Variants in GRM5 observed in about 807,000 individuals in gnomAD.
The protein encoded by GRM5 is glutamate metabotropic receptor 5, also known as metabotropic glutamate receptor 5.
In GRM5, 19 loss-of-function variants were observed where a neutral mutation model predicts 83.1. The observed-to-expected ratio is 0.23, with a 90% CI of 0.16 to 0.34. The LOEUF (loss-of-function observed/expected upper bound fraction) is 0.34, where lower values mean the gene tolerates loss of function less well. Among genes scored for constraint, GRM5 ranks in the 10% least tolerant of loss-of-function variants. The pLI is 1.00. For missense variants in GRM5, 1,160 were observed against 1,588.3 expected, an observed-to-expected ratio of 0.73 and a Z score of 4.58; for synonymous variants, 675 against 633.6, an observed-to-expected ratio of 1.07 and a Z score of -0.98.
intron 3 of GRM5, among the ~76,000 whole-genome samples, chr11:88,750,985 C>T (rs1942256051): frequency 1.4e-5 from 2 of 143,282 alleles, no homozygotes; most frequent in Non-Finnish European, 3.0e-5. Flanking sequence ...AGAAACTTCA[C>T]ATCTCAACTA....
chr11:88,813,133 C>T (rs16914962), intron 3 of GRM5, among the ~76,000 whole-genome samples: 29,408 of 152,064 alleles, frequency 0.19, 5,111 homozygotes, highest in African/African-American at 0.45. Context: ...CTAATGTCCT[C>T]CAAAATTTAG....
intron 2 of GRM5, among the ~76,000 whole-genome samples, chr11:88,962,339 C>T (rs975670044): frequency 3.3e-5 from 5 of 152,304 alleles, no homozygotes; most frequent in African/African-American, 1.2e-4. Flanking sequence ...AGCCATTCTT[C>T]AATTCTTCCA....
chr11:88,875,082 G>GGT (rs1555032475), intron 2 of GRM5, among the ~76,000 whole-genome samples: 9 of 147,928 alleles, frequency 6.1e-5, no homozygotes, highest in African/African-American at 2.0e-4. Context: ...TGAATTGACT[G>GGT]TTTTTTTTTT....
At chr11:88,908,215 T>C (rs16915095) in intron 2 of GRM5, among the ~76,000 whole-genome samples, 4,449 of 152,224 alleles carry the variant, frequency 0.029, 213 homozygotes, top group African/African-American at 0.1. Context: ...ACTTTGTCCA[T>C]CTTGCAAACC....
intron 7 of GRM5, among the ~76,000 whole-genome samples, chr11:88,570,571 A>T (rs199617642): frequency 0.035 from 1,616 of 46,498 alleles, 94 homozygotes; most frequent in Non-Finnish European, 0.039. Context: ...ATATATATAT[A>T]TTTTTTTTTT....
At chr11:88,596,120 C>A (rs987449936) in intron 6 of GRM5, among the ~76,000 whole-genome samples, 2 of 152,136 alleles carry the variant, frequency 1.3e-5, no homozygotes, top group Non-Finnish European at 2.9e-5. Flanking sequence ...CCTGGAAATG[C>A]AACCTTTTAG....
intron 2 of GRM5, among the ~76,000 whole-genome samples, chr11:88,903,822 C>A (rs1308032347): frequency 6.6e-6 from 1 of 152,088 alleles, no homozygotes; most frequent in African/African-American, 2.4e-5. Context: ...GTGATGAACA[C>A]CCTAAAAGAT....
At chr11:88,891,900 G>C (rs562072197) in intron 2 of GRM5, among the ~76,000 whole-genome samples, 16 of 151,954 alleles carry the variant, frequency 1.1e-4, no homozygotes, top group Non-Finnish European at 2.1e-4. Flanking sequence ...GTCTTAAATG[G>C]ATTGTGCTCA....
intron 2 of GRM5, among the ~76,000 whole-genome samples, chr11:89,020,106 G>A (rs1258811997): frequency 1.3e-5 from 2 of 152,070 alleles, no homozygotes; most frequent in African/African-American, 4.8e-5. Flanking sequence ...ACTATTCCAG[G>A]GGCTGAATAT....
At chr11:88,725,348 G>A (rs1941651798) in intron 3 of GRM5, among the ~76,000 whole-genome samples, 1 of 152,122 alleles carries the variant, frequency 6.6e-6, no homozygotes, top group Non-Finnish European at 1.5e-5. Context: ...ACTCCTCACT[G>A]GTCAGGGCAT....
At chr11:88,871,525 T>A (rs1205449855) in intron 2 of GRM5, among the ~76,000 whole-genome samples, 1 of 151,576 alleles carries the variant, frequency 6.6e-6, no homozygotes, top group East Asian at 1.9e-4. Context: ...GTAGCAGCAC[T>A]GTCTTAGTGA....
At chr11:89,049,705 T>G (rs533810264) in intron 1 of GRM5, among the ~76,000 whole-genome samples, 1 of 152,306 alleles carries the variant, frequency 6.6e-6, no homozygotes, top group East Asian at 1.9e-4. Context: ...CTTTTTAATA[T>G]TTCATCAAAT....
chr11:88,755,660 A>G (rs1942380908), intron 3 of GRM5, among the ~76,000 whole-genome samples: 1 of 152,182 alleles, frequency 6.6e-6, no homozygotes, highest in African/African-American at 2.4e-5. Context: ...TTAGAGACAC[A>G]GCAAATTTTT....
At chr11:88,609,339 T>G (rs1404883911) in intron 4 of GRM5, among the ~76,000 whole-genome samples, 2 of 152,162 alleles carry the variant, frequency 1.3e-5, no homozygotes, top group Non-Finnish European at 2.9e-5. Context: ...TTTGGCTGTT[T>G]AGTATTTCAT....
chr11:88,952,332 C>T (rs1938491896), intron 2 of GRM5, among the ~76,000 whole-genome samples: 1 of 152,188 alleles, frequency 6.6e-6, no homozygotes, highest in East Asian at 1.9e-4. Context: ...TCTGAACTTC[C>T]AACTGTTACT....
chr11:88,926,335 C>G (rs1465355347), intron 2 of GRM5, among the ~76,000 whole-genome samples: 2 of 152,186 alleles, frequency 1.3e-5, no homozygotes, highest in Non-Finnish European at 2.9e-5. Context: ...TACAAATTCA[C>G]TGTGATTACC....
At chr11:88,870,820 T>G (rs1381311176) in intron 2 of GRM5, among the ~76,000 whole-genome samples, 1 of 151,396 alleles carries the variant, frequency 6.6e-6, no homozygotes, top group Non-Finnish European at 1.5e-5. Context: ...GCCAAGAAAC[T>G]GAGTGAAGAG....
intron 3 of GRM5, among the ~76,000 whole-genome samples, chr11:88,815,758 C>T (rs1943665066): frequency 6.6e-6 from 1 of 152,140 alleles, no homozygotes; most frequent in Admixed American, 6.5e-5. Flanking sequence ...TGACAGTGGG[C>T]ATTAATCTAT....
intron 2 of GRM5, among the ~76,000 whole-genome samples, chr11:88,889,730 A>T (rs141087411): frequency 1.4e-4 from 21 of 152,294 alleles, no homozygotes; most frequent in African/African-American, 4.8e-4. Flanking sequence ...TGACTAAATC[A>T]TCTTTCTCCA....
Sources: allele counts gnomAD v4.1 joint callset (sites outside exome capture counted in the v4.1 genomes callset), GRCh38; gene constraint gnomAD v4.1.1; transcripts MANE v1.5; gene names NCBI Gene and HGNC (gene_info 2026-07-23, HGNC 2026-07-21).